Variants in DPP6 observed in about 807,000 individuals in gnomAD.
DPP6 encodes the protein A-type potassium channel modulatory protein DPP6.
DPP6 carries 69 observed loss-of-function variants against 122.6 expected under a neutral mutation model. The ratio of observed to expected loss-of-function variants is 0.56; its 90% CI spans 0.46 to 0.69. DPP6 has a LOEUF of 0.69. Among genes scored for constraint, DPP6 ranks in the 30% least tolerant of loss-of-function variants. The pLI is 0.00. For missense variants in DPP6, 928 were observed against 1,116.9 expected, an observed-to-expected ratio of 0.83 and a Z score of 2.41; for synonymous variants, 418 against 433.1, an observed-to-expected ratio of 0.97 and a Z score of 0.43.
intron 1 of DPP6, among the ~76,000 whole-genome samples, chr7:154,189,250 G>A (rs374938534): frequency 1.4e-4 from 21 of 152,206 alleles, no homozygotes; most frequent in East Asian, 1.3e-3. Context: ...AGCATCAACA[G>A]TGCTACAAAT....
At chr7:154,803,327 A>G (rs1798492890) in intron 13 of DPP6, among the ~76,000 whole-genome samples, 1 of 152,150 alleles carries the variant, frequency 6.6e-6, no homozygotes, top group African/African-American at 2.4e-5. Flanking sequence ...TCTTAGCTCA[A>G]GGGGAACATA....
At chr7:153,800,810 C>T in the DPP6 span, among the ~76,000 whole-genome samples, 5,700 of 152,104 alleles carry the variant, frequency 0.037, 327 homozygotes, top group African/African-American at 0.12. Flanking sequence ...AGCCACAGCA[C>T]CCAGCCCAGT....
intron 1 of DPP6, among the ~76,000 whole-genome samples, chr7:154,433,688 G>C (rs1818635290): frequency 6.6e-6 from 1 of 152,066 alleles, no homozygotes; most frequent in African/African-American, 2.4e-5. Flanking sequence ...TTCTGTCCTA[G>C]GAACTAGATA....
At chr7:154,368,944 T>A (rs748048541) in intron 1 of DPP6, among the ~76,000 whole-genome samples, 3 of 152,208 alleles carry the variant, frequency 2.0e-5, no homozygotes, top group Non-Finnish European at 4.4e-5. Flanking sequence ...TCTTCTGATA[T>A]GTGGCCTCTG....
At chr7:153,846,124 C>T in the DPP6 span, among the ~76,000 whole-genome samples, 3 of 152,182 alleles carry the variant, frequency 2.0e-5, no homozygotes, top group African/African-American at 7.2e-5. Flanking sequence ...AGGAGAGTGT[C>T]AGGTGCCCCA....
intron 1 of DPP6, among the ~76,000 whole-genome samples, chr7:154,061,589 C>T (rs555223473): frequency 6.9e-6 from 1 of 145,146 alleles, no homozygotes; most frequent in African/African-American, 2.6e-5. Flanking sequence ...ATCCCCTCTT[C>T]CCCCCTGGCT....
intron 1 of DPP6, chr7:154,305,548 A>G (rs1563445274): frequency 6.2e-7 from 1 of 1,601,742 alleles, no homozygotes. Context: ...AGCAGCAGGA[A>G]CAGGTAATGC....
At chr7:153,832,746 A>T in the DPP6 span, among the ~76,000 whole-genome samples, 2 of 98,092 alleles carry the variant, frequency 2.0e-5, no homozygotes, top group Non-Finnish European at 4.5e-5. Context: ...TATGTTTAGC[A>T]GTGATTTTTT....
intron 1 of DPP6, among the ~76,000 whole-genome samples, chr7:154,419,723 A>G (rs150942398): frequency 4.1e-4 from 62 of 152,330 alleles, no homozygotes; most frequent in African/African-American, 1.4e-3. Flanking sequence ...AGTTTGTGTA[A>G]GAGTTTATGG....
chr7:154,814,706 C>T (rs1799303382), intron 16 of DPP6, among the ~76,000 whole-genome samples: 1 of 152,160 alleles, frequency 6.6e-6, no homozygotes, highest in South Asian at 2.1e-4. Flanking sequence ...AAGCTGTTAG[C>T]CAGTGTGGTT....
intron 1 of DPP6, among the ~76,000 whole-genome samples, chr7:154,277,022 A>G (rs1255057055): frequency 1.3e-5 from 2 of 152,180 alleles, no homozygotes; most frequent in Non-Finnish European, 2.9e-5. Flanking sequence ...AAACAGCAAA[A>G]TCACCAACAA....
chr7:154,786,951 C>A (rs990477267), intron 10 of DPP6, among the ~76,000 whole-genome samples: 6 of 152,146 alleles, frequency 3.9e-5, no homozygotes, highest in South Asian at 2.1e-4. Context: ...GTTGCTGTGC[C>A]CTCCAGCCTG....
chr7:154,003,398 C>G (rs1797771614), intron 1 of DPP6, among the ~76,000 whole-genome samples: 1 of 152,144 alleles, frequency 6.6e-6, no homozygotes, highest in Non-Finnish European at 1.5e-5. Flanking sequence ...AGAGAGAAAT[C>G]AGTATTATAT....
intron 1 of DPP6, among the ~76,000 whole-genome samples, chr7:154,264,226 G>A (rs1474032476): frequency 6.6e-6 from 1 of 152,134 alleles, no homozygotes; most frequent in Non-Finnish European, 1.5e-5. Context: ...TATGTGTAAT[G>A]CATTTACTGT....
intron 16 of DPP6, among the ~76,000 whole-genome samples, chr7:154,846,065 C>G (rs920554642): frequency 6.6e-6 from 1 of 152,164 alleles, no homozygotes; most frequent in Non-Finnish European, 1.5e-5. Flanking sequence ...TGGGATGAGT[C>G]TCGGCCAACA....
chr7:154,281,508 T>C (rs1004155404), intron 1 of DPP6, among the ~76,000 whole-genome samples: 2 of 152,162 alleles, frequency 1.3e-5, no homozygotes, highest in African/African-American at 4.8e-5. Flanking sequence ...ACAAACAGTA[T>C]TGCAAAACTT....
rs530517645 is a variant in DPP6, at chr7:154,854,584, G to A, written c.1714+757G>A. ...GGGTGGAGACCTCTTGCTAAAGCTGGGCAATGCAGGCCGAAGACAGGTTAG... is the reference window on the plus strand; with the variant it reads ...GGGTGGAGACCTCTTGCTAAAGCTGAGCAATGCAGGCCGAAGACAGGTTAG... On this transcript the variant is annotated intron_variant, in intron 17 of 25. Coordinates refer to ENST00000377770, the MANE Select transcript of DPP6 (RefSeq NM_130797.4). 2.0e-4 allele frequency among the ~76,000 whole-genome samples: 30 copies of A among 152,284 alleles called. No individual in the cohort carries two copies. In the South Asian group the frequency reaches 5.2e-3, roughly 26 times the overall value.
intron 10 of DPP6, among the ~76,000 whole-genome samples, chr7:154,776,914 G>C (rs1796611195): frequency 6.6e-6 from 1 of 152,248 alleles, no homozygotes; most frequent in African/African-American, 2.4e-5. Flanking sequence ...GAAGCCTGCA[G>C]TTTATTTCAG....
chr7:154,823,646 A>G (rs1407001221), intron 16 of DPP6, among the ~76,000 whole-genome samples: 1 of 152,250 alleles, frequency 6.6e-6, no homozygotes, highest in Non-Finnish European at 1.5e-5. Flanking sequence ...GAAGGTGGAC[A>G]TGCCAAACTC....
Sources: allele counts gnomAD v4.1 joint callset (sites outside exome capture counted in the v4.1 genomes callset), GRCh38; gene constraint gnomAD v4.1.1; transcripts MANE v1.5; gene names NCBI Gene and HGNC (gene_info 2026-07-23, HGNC 2026-07-21).